ASAP1: variants seen among roughly 807,000 people sequenced by gnomAD.
The protein encoded by ASAP1 is arf-GAP with SH3 domain, ANK repeat and PH domain-containing protein 1.
A neutral mutation model predicts 145.2 loss-of-function variants in ASAP1; 43 were observed. The observed-to-expected ratio is 0.30, with a 90% CI of 0.23 to 0.38. The LOEUF (loss-of-function observed/expected upper bound fraction) is 0.38. Ranked by LOEUF, ASAP1 falls within the 10% of genes least tolerant of loss-of-function variation. The pLI is 1.00. For missense variants in ASAP1, 1,018 were observed against 1,355.3 expected (o/e 0.75, Z 3.91); for synonymous variants, 546 against 515.5 (o/e 1.06, Z -0.80).
intron 25 of ASAP1, among the ~76,000 whole-genome samples, chr8:130,081,860 A>T (rs1467087121): frequency 2.0e-5 from 3 of 152,236 alleles, no homozygotes; most frequent in Non-Finnish European, 1.5e-5. Flanking sequence ...TTTACTGAGC[A>T]CTTACTGTGA....
intron 3 of ASAP1, among the ~76,000 whole-genome samples, chr8:130,341,344 T>A (rs527825780): frequency 3.3e-5 from 5 of 152,106 alleles, no homozygotes; most frequent in Admixed American, 2.6e-4. Flanking sequence ...AGCGCTTGAG[T>A]TGACTTAACC....
At chr8:130,223,214 C>T (rs1380276519) in intron 4 of ASAP1, among the ~76,000 whole-genome samples, 1 of 152,150 alleles carries the variant, frequency 6.6e-6, no homozygotes, top group African/African-American at 2.4e-5. Context: ...GCATTCCAAA[C>T]CACAACCAAG....
intron 5 of ASAP1, among the ~76,000 whole-genome samples, chr8:130,209,277 TAA>T (rs1243633048): frequency 1.3e-5 from 2 of 152,198 alleles, no homozygotes; most frequent in African/African-American, 4.8e-5. Flanking sequence ...TAGGCAACAT[TAA>T]CCTACTTAAC....
intron 3 of ASAP1, among the ~76,000 whole-genome samples, chr8:130,283,703 A>T (rs1037304540): frequency 3.9e-5 from 6 of 151,956 alleles, no homozygotes; most frequent in Non-Finnish European, 7.4e-5. Context: ...GACTAACTTG[A>T]TAAGAACAGA....
At chr8:130,266,662 A>G (rs1399336505) in intron 3 of ASAP1, among the ~76,000 whole-genome samples, 1 of 152,136 alleles carries the variant, frequency 6.6e-6, no homozygotes, top group Non-Finnish European at 1.5e-5. Context: ...CAACAGTTAT[A>G]AAAAACAGAA....
intron 3 of ASAP1, among the ~76,000 whole-genome samples, chr8:130,334,441 G>C (rs1824906173): frequency 6.6e-6 from 1 of 152,182 alleles, no homozygotes; most frequent in Non-Finnish European, 1.5e-5. Context: ...CTAGAGTTCA[G>C]AGACAATATA....
chr8:130,308,769 T>C (rs1001378637), intron 3 of ASAP1, among the ~76,000 whole-genome samples: 1 of 152,168 alleles, frequency 6.6e-6, no homozygotes, highest in African/African-American at 2.4e-5. Context: ...AGGCAAGGCA[T>C]GGTGGCTTAC....
chr8:130,403,408 T>C (rs1828884250), intron 1 of ASAP1, among the ~76,000 whole-genome samples: 1 of 152,166 alleles, frequency 6.6e-6, no homozygotes, highest in Admixed American at 6.6e-5. Flanking sequence ...TCTCCACCAC[T>C]AGCTTAACAT....
At chr8:130,370,365 T>G (rs535506363) in intron 2 of ASAP1, among the ~76,000 whole-genome samples, 1 of 152,252 alleles carries the variant, frequency 6.6e-6, no homozygotes, top group Admixed American at 6.5e-5. Flanking sequence ...TTCAGCCATA[T>G]AAGGACACAA....
chr8:130,392,543 C>T (rs2138494179), intron 2 of ASAP1, among the ~76,000 whole-genome samples: 1 of 152,254 alleles, frequency 6.6e-6, no homozygotes, highest in East Asian at 1.9e-4. Context: ...TCAAAACAAT[C>T]GTATGTATGA....
chr8:130,427,921 T>C (rs1358671246), intron 1 of ASAP1: 1 of 152,150 alleles, frequency 6.6e-6, no homozygotes, highest in African/African-American at 2.4e-5. Context: ...AAGACCTACC[T>C]TCTTCTCAAT....
Position 130,171,503 on chromosome 8 carries a change from A to G in ASAP1, c.747-2436T>C, listed in dbSNP as rs374936074. Among the ~76,000 whole-genome samples the G allele has an allele frequency of 1.0e-3, 156 of 152,278 alleles. 1 individual carries two copies. Among genetic ancestry groups the G allele is most frequent in the African/African-American group, 3.6e-3 (148 of 41,556 alleles). On this transcript the variant is annotated intron_variant, in intron 9 of 29. Transcript: ENST00000518721. ...CCATCAGATTCCTTGAGACTCACTC[A>G]TTATCAAGAGAACAGCATGGGGGAA...
intron 2 of ASAP1, among the ~76,000 whole-genome samples, chr8:130,394,669 G>C (rs986098212): frequency 6.6e-6 from 1 of 152,004 alleles, no homozygotes; most frequent in African/African-American, 2.4e-5. Context: ...GGGGCATCAC[G>C]GAACCTACCT....
intron 26 of ASAP1, among the ~76,000 whole-genome samples, chr8:130,077,404 C>T (rs1389952363): frequency 6.6e-6 from 1 of 152,202 alleles, no homozygotes; most frequent in Non-Finnish European, 1.5e-5. Context: ...TCTCAGAGGA[C>T]ACCAGGAGGC....
intron 16 of ASAP1, 126 bp downstream of exon 16, chr8:130,127,801 A>G: frequency 9.6e-7 from 1 of 1,042,634 alleles, no homozygotes; most frequent in Non-Finnish European, 1.3e-6. Context: ...CGTTGGGAAT[A>G]CGTGTTTTGT....
chr8:130,232,987 T>C (rs1283546052), intron 4 of ASAP1, among the ~76,000 whole-genome samples: 3 of 152,234 alleles, frequency 2.0e-5, no homozygotes, highest in Admixed American at 2.0e-4. Flanking sequence ...TGGAAAGCTA[T>C]GCAACACCAC....
At chr8:130,299,401 T>C (rs1161939543) in intron 3 of ASAP1, among the ~76,000 whole-genome samples, 1 of 152,298 alleles carries the variant, frequency 6.6e-6, no homozygotes, top group East Asian at 1.9e-4. Context: ...ACAAATAAAC[T>C]CAGCAATACT....
Position 130,262,457 on chromosome 8 carries a change from A to AGAGAGAGGGT in ASAP1, c.187-25464_187-25463insACCCTCTCTC, listed in dbSNP as rs796416744. On this transcript the variant is annotated intron_variant, in intron 3 of 29. Coordinates refer to ENST00000518721, the MANE Select transcript of ASAP1 (RefSeq NM_018482.4). ...GAGAGAGAGAGAGAGAGAGAGAGAG[A>AGAGAGAGGGT]ACCTGTGGAATTTCAGATAGGTTAG... Among the ~76,000 whole-genome samples, 9 of 127,804 alleles carry AGAGAGAGGGT rather than the reference A, an allele frequency of 7.0e-5. 1 individual carries two copies. The highest frequency in any genetic ancestry group is 8.7e-5 in the African/African-American group (3 of 34,340). The allele number at this position is 127,804 out of a possible 152,430, so 83.8% of individuals were successfully genotyped here.
At chr8:130,384,269 T>G (rs1488575065) in intron 2 of ASAP1, among the ~76,000 whole-genome samples, 1 of 152,158 alleles carries the variant, frequency 6.6e-6, no homozygotes. Context: ...CCCTCCACCA[T>G]GAGAGAGACC....
Sources: gnomAD v4.1 joint callset for allele counts (sites outside exome capture counted in the v4.1 genomes callset) on GRCh38, gnomAD v4.1.1 for gene constraint, MANE v1.5 for transcripts, NCBI Gene and HGNC (gene_info 2026-07-23, HGNC 2026-07-21) for gene names.